The following RBMS1 variants were observed in gnomAD, a reference collection of about 807,000 sequenced individuals.
RBMS1 encodes RNA-binding motif, single-stranded-interacting protein 1.
RBMS1 carries 17 observed loss-of-function variants against 62.3 expected under a neutral mutation model. The ratio of observed to expected loss-of-function variants is 0.27; its 90% confidence interval spans 0.19 to 0.41. RBMS1 has a LOEUF of 0.41. Among genes scored for constraint, RBMS1 ranks in the 10% least tolerant of loss-of-function variants. RBMS1 has a pLI of 1.00. For missense variants in RBMS1, 334 were observed against 504.5 expected (o/e 0.66, Z 3.24); for synonymous variants, 172 against 170.0 (o/e 1.01, Z -0.09).
At chr2:160,373,048 C>A (rs1172424571) in intron 1 of RBMS1, among the ~76,000 whole-genome samples, 1 of 152,154 alleles carries the variant, frequency 6.6e-6, no homozygotes. Flanking sequence ...GAAACTGGTT[C>A]TCATATCTTC....
chr2:160,297,374 T>C (rs1027648972), intron 6 of RBMS1, among the ~76,000 whole-genome samples: 3 of 152,200 alleles, frequency 2.0e-5, no homozygotes, highest in African/African-American at 4.8e-5. Flanking sequence ...ACATTTCAAT[T>C]TCCCCCCACA....
chr2:160,406,029 C>T (rs1184191075), intron 1 of RBMS1, among the ~76,000 whole-genome samples: 1 of 152,128 alleles, frequency 6.6e-6, no homozygotes, highest in Non-Finnish European at 1.5e-5. Context: ...GAAATGACTT[C>T]GAGATGCCTG....
At chr2:160,300,151 T>G (rs1051426710) in intron 6 of RBMS1, among the ~76,000 whole-genome samples, 1 of 152,226 alleles carries the variant, frequency 6.6e-6, no homozygotes, top group Non-Finnish European at 1.5e-5. Flanking sequence ...GTATTTCAGA[T>G]CAGGGTTTGT....
intron 1 of RBMS1, chr2:160,402,033 C>T (rs1048472543): frequency 6.6e-6 from 1 of 152,200 alleles, no homozygotes; most frequent in African/African-American, 2.4e-5. Context: ...ACGGTCCATT[C>T]TTAGGCGACT....
intron 1 of RBMS1, among the ~76,000 whole-genome samples, chr2:160,376,538 A>G (rs1694008466): frequency 6.6e-6 from 1 of 152,212 alleles, no homozygotes; most frequent in African/African-American, 2.4e-5. Context: ...CTAGTAGCTT[A>G]TATCTGATAT....
In RBMS1 at chr2:160,312,599, T is replaced by G. The variant is rs1689988743; in HGVS notation, c.402+557A>C. 4.6e-5 allele frequency among the ~76,000 whole-genome samples: 7 copies of G among 152,192 alleles called. No homozygotes were observed. The South Asian group carries it at 1.2e-3, about 27-fold the overall frequency. On this transcript the variant is annotated intron_variant, in intron 4 of 13. Transcript: ENST00000348849. Reference sequence around the variant, plus strand: ...TTATAGAACTACTAAAAAGTAGATTTATATACCATTAATAATCAATACCTA... The same window carrying G: ...TTATAGAACTACTAAAAAGTAGATTGATATACCATTAATAATCAATACCTA...
intron 1 of RBMS1, among the ~76,000 whole-genome samples, chr2:160,405,752 C>A (rs757120281): frequency 1.3e-5 from 2 of 152,222 alleles, no homozygotes; most frequent in Non-Finnish European, 2.9e-5. Flanking sequence ...GGCTACCCCC[C>A]TTCACACACA....
At chr2:160,420,326 T>A (rs1185736053) in intron 1 of RBMS1, among the ~76,000 whole-genome samples, 1 of 152,156 alleles carries the variant, frequency 6.6e-6, no homozygotes, top group African/African-American at 2.4e-5. Context: ...AGCCTCTGTT[T>A]TTCCATCAGC....
intron 1 of RBMS1, among the ~76,000 whole-genome samples, chr2:160,374,754 ACC>A (rs1693904939): frequency 6.6e-6 from 1 of 152,070 alleles, no homozygotes; most frequent in Admixed American, 6.6e-5. Context: ...ATATGGTGAA[ACC>A]CTGTCTCTAC....
intron 1 of RBMS1, among the ~76,000 whole-genome samples, chr2:160,468,414 T>A (rs561110765): frequency 1.3e-5 from 2 of 152,328 alleles, no homozygotes; most frequent in East Asian, 1.9e-4. Context: ...TACAAAATGG[T>A]TAGACAGGTA....
At chr2:160,354,957 T>C (rs1215197383) in intron 2 of RBMS1, among the ~76,000 whole-genome samples, 1 of 152,112 alleles carries the variant, frequency 6.6e-6, no homozygotes. Context: ...AGATACACCA[T>C]TTATGGAAAC....
intron 1 of RBMS1, among the ~76,000 whole-genome samples, chr2:160,370,044 C>G (rs1258844677): frequency 6.6e-6 from 1 of 152,100 alleles, no homozygotes; most frequent in African/African-American, 2.4e-5. Context: ...GCAGGTACAG[C>G]CTGTGCTTCC....
chr2:160,426,367 G>A (rs940791577), intron 1 of RBMS1, among the ~76,000 whole-genome samples: 1 of 150,822 alleles, frequency 6.6e-6, no homozygotes, highest in Non-Finnish European at 1.5e-5. Flanking sequence ...AGGAGAGAGG[G>A]AAAAAAAGAA....
intron 3 of RBMS1, among the ~76,000 whole-genome samples, chr2:160,313,970 T>C (rs765531729): frequency 2.0e-5 from 3 of 152,174 alleles, no homozygotes; most frequent in African/African-American, 7.2e-5. Context: ...TCCTTATCCA[T>C]AGCTTTACAA....
chr2:160,275,381 A>ATTTTTT, intron 13 of RBMS1: 1 of 480,544 alleles, frequency 2.1e-6, no homozygotes, highest in East Asian at 6.4e-5. Flanking sequence ...ACAGATTTTT[A>ATTTTTT]TTTTTTTCTT....
At chr2:160,470,467 ATGTTACC>A (rs1194599173) in intron 1 of RBMS1, among the ~76,000 whole-genome samples, 4 of 152,214 alleles carry the variant, frequency 2.6e-5, no homozygotes, top group African/African-American at 9.6e-5. Flanking sequence ...ATATTTAAAA[ATGTTACC>A]TGTAATCACT....
intron 1 of RBMS1, among the ~76,000 whole-genome samples, chr2:160,411,898 C>CTGAA (rs1696053436): frequency 6.6e-6 from 1 of 152,190 alleles, no homozygotes; most frequent in Non-Finnish European, 1.5e-5. Flanking sequence ...TGTTAAATGG[C>CTGAA]TGAATGAATA....
chr2:160,453,391 C>T (rs963950637), intron 1 of RBMS1, among the ~76,000 whole-genome samples: 4 of 152,128 alleles, frequency 2.6e-5, no homozygotes, highest in African/African-American at 7.2e-5. Flanking sequence ...TTCCCCTTGA[C>T]TCTGCTTTTC....
At position 160,493,701 on chromosome 2, in the gene RBMS1, C is replaced by T. The variant is rs915198358; in HGVS notation, c.-338G>A. On this transcript the variant is annotated 5_prime_UTR_variant, in exon 1 of 14. Transcript: ENST00000348849. ...GCTCCGGGGCTGCCAAGGGCTGGCG[C>T]GCTGGCCGCGGTCCGCTCGGGCGAG... 3.1e-5 allele frequency: 12 copies of T among 385,234 alleles called. No homozygotes were observed. The highest frequency in any genetic ancestry group is 6.5e-5 in the African/African-American group (3 of 46,182). 23.9% of individuals were successfully genotyped at this position (385,234 alleles called of 1,614,324 possible).
Sources: gnomAD v4.1 joint callset for allele counts (sites outside exome capture counted in the v4.1 genomes callset) on GRCh38, gnomAD v4.1.1 for gene constraint, MANE v1.5 for transcripts, NCBI Gene and HGNC (gene_info 2026-07-23, HGNC 2026-07-21) for gene names.